PDE11A: variants seen among roughly 807,000 people sequenced by gnomAD.
PDE11A encodes dual 3',5'-cyclic-AMP and -GMP phosphodiesterase 11A.
A neutral mutation model predicts 100.5 loss-of-function variants in PDE11A; 100 were observed. That is an observed-to-expected ratio of 1.00 (90% confidence interval 0.85 to 1.18). The LOEUF is 1.18. PDE11A is among the 50% of genes most tolerant of loss of function. The pLI is 0.00. For synonymous variants in PDE11A, 381 were observed against 420.8 expected (o/e 0.91, Z 1.16); for missense variants, 1,141 against 1,152.6 (o/e 0.99, Z 0.15).
intron 1 of PDE11A, among the ~76,000 whole-genome samples, chr2:178,032,777 A>T (rs982798814): frequency 6.6e-6 from 1 of 152,222 alleles, no homozygotes; most frequent in Non-Finnish European, 1.5e-5. Context: ...GTGGACCTCC[A>T]GCAAACTGCA....
At chr2:177,773,389 A>C (rs1410839350) in intron 9 of PDE11A, among the ~76,000 whole-genome samples, 1 of 152,204 alleles carries the variant, frequency 6.6e-6, no homozygotes, top group Non-Finnish European at 1.5e-5. Flanking sequence ...TTATAGTTTT[A>C]TCTTTTATGT....
chr2:178,004,388 A>T (rs2086180507), intron 2 of PDE11A, among the ~76,000 whole-genome samples: 4 of 152,188 alleles, frequency 2.6e-5, no homozygotes, highest in African/African-American at 9.6e-5. Flanking sequence ...ATTTTTAAAA[A>T]TTCAAATTCA....
chr2:177,865,063 G>C (rs1227295648), intron 5 of PDE11A, among the ~76,000 whole-genome samples: 1 of 152,160 alleles, frequency 6.6e-6, no homozygotes, highest in Non-Finnish European at 1.5e-5. Flanking sequence ...TGGAACACCT[G>C]AGGTTAAGAG....
At chr2:178,077,843 T>G (rs1020199251) in intron 2 of PDE11A, among the ~76,000 whole-genome samples, 3 of 149,864 alleles carry the variant, frequency 2.0e-5, no homozygotes, top group African/African-American at 7.4e-5. Context: ...ACAGATGGAG[T>G]GATGGGTCTA....
At chr2:177,909,495 T>C (rs2084844264) in intron 2 of PDE11A, among the ~76,000 whole-genome samples, 1 of 152,222 alleles carries the variant, frequency 6.6e-6, no homozygotes, top group South Asian at 2.1e-4. Context: ...TACCACTAGT[T>C]TCAGCTACAT....
intron 1 of PDE11A, among the ~76,000 whole-genome samples, chr2:178,020,929 GTGT>G (rs2086402347): frequency 1.5e-3 from 20 of 13,622 alleles, no homozygotes; most frequent in African/African-American, 1.3e-3. Flanking sequence ...GTCTTGGTGT[GTGT>G]GTGTGTGTGT....
chr2:177,947,327 C>G lies in PDE11A; in HGVS notation c.1072-42140G>C, dbSNP rs181555864. Among the ~76,000 whole-genome samples the G allele has an allele frequency of 6.3e-4, 94 of 148,664 alleles. 1 individual carries two copies. The highest frequency in any genetic ancestry group is 2.2e-3 in the African/African-American group (90 of 40,162). ...ATGGCGGCTTTGTGGAATAGAAAGG[C>G]GGGAAAGGTGGGCAAAAGATTGAGA... On this transcript the variant is annotated intron_variant, in intron 2 of 19. Coordinates refer to ENST00000286063, the MANE Select transcript of PDE11A (RefSeq NM_016953.4).
chr2:177,855,710 C>G (rs1057033131), intron 5 of PDE11A, among the ~76,000 whole-genome samples: 2 of 151,898 alleles, frequency 1.3e-5, no homozygotes, highest in African/African-American at 4.8e-5. Context: ...TTGAGAACAG[C>G]CTTTACCCCC....
At chr2:177,815,980 G>A (rs1022755075) in intron 9 of PDE11A, among the ~76,000 whole-genome samples, 3 of 152,182 alleles carry the variant, frequency 2.0e-5, no homozygotes, top group African/African-American at 7.2e-5. Context: ...GGAGGCCAAG[G>A]CGGGCAGATC....
intron 2 of PDE11A, chr2:177,922,692 C>T: frequency 1.0e-6 from 1 of 985,368 alleles, no homozygotes; most frequent in Middle Eastern, 5.2e-4. Context: ...CTCACCCCCA[C>T]TCCAATCCAA....
At position 177,930,582 on chromosome 2, in the gene PDE11A, C is replaced by T. The variant is rs139261220; in HGVS notation, c.1072-25395G>A. ...ATAGTATAGAAAACTGAAAAACAGC[C>T]TCCATGGCCCAAGCCTCTTCTATCT... On this transcript the variant is annotated intron_variant, in intron 2 of 19. Transcript: ENST00000286063. 7.5e-3 allele frequency among the ~76,000 whole-genome samples: 1,147 copies of T among 152,308 alleles called. 15 individuals are homozygous for T. Among genetic ancestry groups the T allele is most frequent in the African/African-American group, 0.026 (1,061 of 41,568 alleles).
chr2:177,945,156 G>A lies in PDE11A; in HGVS notation c.1072-39969C>T, dbSNP rs372736052. 1.6e-3 allele frequency among the ~76,000 whole-genome samples: 235 copies of A among 150,830 alleles called. 6 individuals carry two copies. The East Asian group carries it at 0.042, about 27-fold the overall frequency. ...GCCCAGGCTGGAGTGCAGTGGCGTG[G>A]TCTCGGCTCACTACAACCTACACCT... On this transcript the variant is annotated intron_variant, in intron 2 of 19. Coordinates refer to ENST00000286063, the MANE Select transcript of PDE11A (RefSeq NM_016953.4).
intron 2 of PDE11A, among the ~76,000 whole-genome samples, chr2:177,972,124 T>C (rs1027274821): frequency 1.3e-5 from 2 of 152,170 alleles, no homozygotes; most frequent in African/African-American, 4.8e-5. Flanking sequence ...AAGAGCAATT[T>C]AGAAATCTCA....
chr2:177,833,911 G>A (rs1166073250), intron 6 of PDE11A, among the ~76,000 whole-genome samples: 3 of 152,204 alleles, frequency 2.0e-5, no homozygotes, highest in Non-Finnish European at 2.9e-5. Flanking sequence ...TGCACAGGGG[G>A]CTTACCTGGG....
At chr2:177,637,567 G>C (rs1379315821) in intron 19 of PDE11A, among the ~76,000 whole-genome samples, 1 of 151,604 alleles carries the variant, frequency 6.6e-6, no homozygotes, top group Non-Finnish European at 1.5e-5. Context: ...TTTAAGCCAA[G>C]TTTTAAAAGT....
intron 2 of PDE11A, among the ~76,000 whole-genome samples, chr2:177,979,080 A>T (rs888874493): frequency 1.2e-5 from 1 of 83,032 alleles, no homozygotes; most frequent in Non-Finnish European, 2.6e-5. Context: ...AGTATAATAA[A>T]AAAAAAAAAA....
At chr2:177,834,071 C>T (rs2083352628) in intron 6 of PDE11A, among the ~76,000 whole-genome samples, 1 of 152,204 alleles carries the variant, frequency 6.6e-6, no homozygotes, top group Non-Finnish European at 1.5e-5. Context: ...AACCTGCTTG[C>T]AGGACCCCCT....
chr2:177,679,430 C>G (rs2080827718), intron 16 of PDE11A, among the ~76,000 whole-genome samples: 1 of 152,038 alleles, frequency 6.6e-6, no homozygotes, highest in Non-Finnish European at 1.5e-5. Context: ...CCTAAGGGTG[C>G]ATGTGTATGT....
Position 177,840,258 on chromosome 2 carries a change from T to A in PDE11A, c.1493A>T (p.Asp498Val). ...ISDAYQDPRF[D>V]AEADQISGFH... ...CAGAGGGGCTCCTCTTACCTCTGCA[T>A]CAAAGCGCGGATCCTGGTAGGCATC... Residue 498 changes from aspartate to valine, a missense_variant, in exon 6 of 20, where the codon GAT (aspartate) becomes GTT (valine). Transcript: ENST00000286063. 1 of 1,614,144 alleles carries A rather than the reference T, an allele frequency of 6.2e-7. No homozygotes were observed. The highest frequency in any genetic ancestry group is 8.5e-7 in the Non-Finnish European group (1 of 1,179,994).
Sources: gnomAD v4.1 joint callset for allele counts (sites outside exome capture counted in the v4.1 genomes callset) on GRCh38, gnomAD v4.1.1 for gene constraint, MANE v1.5 for transcripts, NCBI Gene and HGNC (gene_info 2026-07-23, HGNC 2026-07-21) for gene names.